The following LRRC4C variants were observed in gnomAD, a reference collection of about 807,000 sequenced individuals.
LRRC4C encodes the protein leucine rich repeat containing 4C, also known as leucine-rich repeat-containing protein 4C.
Under a neutral mutation model 33.6 loss-of-function variants are expected in LRRC4C, and 5 were observed. That is an observed-to-expected ratio of 0.15 (90% confidence interval 0.08 to 0.31). LRRC4C has a LOEUF of 0.31. Ranked by LOEUF, LRRC4C falls within the 10% of genes least tolerant of loss-of-function variation. The pLI, the probability that LRRC4C is intolerant of heterozygous loss-of-function variation, is 1.00. For synonymous variants in LRRC4C, 329 were observed against 302.0 expected, an observed-to-expected ratio of 1.09 and a Z score of -0.93; for missense variants, 560 against 796.7, an observed-to-expected ratio of 0.70 and a Z score of 3.58.
chr11:40,508,684 T>A (rs1390793280), intron 3 of LRRC4C, among the ~76,000 whole-genome samples: 5 of 152,164 alleles, frequency 3.3e-5, no homozygotes, highest in African/African-American at 1.2e-4. Flanking sequence ...AATGTATGAA[T>A]ACTTTTAGAA....
intron 1 of LRRC4C, among the ~76,000 whole-genome samples, chr11:41,415,829 G>T (rs1954657577): frequency 6.6e-6 from 1 of 152,108 alleles, no homozygotes; most frequent in Non-Finnish European, 1.5e-5. Context: ...ATTTCATTAA[G>T]CTAACTCTTG....
intron 3 of LRRC4C, among the ~76,000 whole-genome samples, chr11:40,430,535 T>G (rs1162734248): frequency 6.6e-6 from 1 of 152,122 alleles, no homozygotes; most frequent in Non-Finnish European, 1.5e-5. Flanking sequence ...TGAACTTCTC[T>G]TACATAGATA....
chr11:41,399,990 A>G (rs747732587), intron 1 of LRRC4C, among the ~76,000 whole-genome samples: 23 of 152,090 alleles, frequency 1.5e-4, no homozygotes, highest in Non-Finnish European at 3.2e-4. Flanking sequence ...AAAATTCTGA[A>G]GGCAACAGAG....
chr11:40,119,536 GC>G (rs1332322051), intron 6 of LRRC4C, among the ~76,000 whole-genome samples: 5 of 152,078 alleles, frequency 3.3e-5, no homozygotes, highest in Non-Finnish European at 7.4e-5. Context: ...ATTCCTCTTA[GC>G]CTATTGCCAA....
chr11:41,241,161 G>A (rs1378163788), intron 1 of LRRC4C, among the ~76,000 whole-genome samples: 4 of 152,148 alleles, frequency 2.6e-5, no homozygotes, highest in Non-Finnish European at 5.9e-5. Context: ...GAGAAAGCAT[G>A]TAGGAGAATC....
At chr11:41,028,878 C>T (rs977260244) in intron 1 of LRRC4C, among the ~76,000 whole-genome samples, 2 of 151,580 alleles carry the variant, frequency 1.3e-5, no homozygotes, top group African/African-American at 4.8e-5. Flanking sequence ...GAAGATCCTC[C>T]TCTGATGTCC....
At chr11:41,328,531 C>T (rs1417496854) in intron 1 of LRRC4C, among the ~76,000 whole-genome samples, 7 of 152,126 alleles carry the variant, frequency 4.6e-5, no homozygotes, top group Admixed American at 6.5e-5. Context: ...TCTGTCAACA[C>T]GCTCCTTACT....
chr11:40,173,854 G>A (rs1860250965), intron 5 of LRRC4C, among the ~76,000 whole-genome samples: 1 of 152,096 alleles, frequency 6.6e-6, no homozygotes, highest in African/African-American at 2.4e-5. Context: ...CTAAACCAAG[G>A]TATTCAATGA....
intron 3 of LRRC4C, among the ~76,000 whole-genome samples, chr11:40,594,824 T>C (rs903472238): frequency 2.6e-5 from 4 of 152,160 alleles, no homozygotes; most frequent in African/African-American, 9.7e-5. Flanking sequence ...GTTTATGTTT[T>C]TGTAGAAATA....
At chr11:40,733,064 T>G (rs1054307935) in intron 2 of LRRC4C, among the ~76,000 whole-genome samples, 2 of 29,170 alleles carry the variant, frequency 6.9e-5, no homozygotes, top group Admixed American at 4.5e-4. Context: ...GAATATAGTT[T>G]TTTTTTTTTT....
At chr11:40,673,349 C>G (rs907487569) in intron 2 of LRRC4C, among the ~76,000 whole-genome samples, 1 of 152,104 alleles carries the variant, frequency 6.6e-6, no homozygotes, top group African/African-American at 2.4e-5. Context: ...GTATGGCCAT[C>G]AAACATAGCA....
At chr11:40,557,340 C>T (rs16934938) in intron 3 of LRRC4C, among the ~76,000 whole-genome samples, 8,955 of 152,048 alleles carry the variant, frequency 0.059, 776 homozygotes, top group African/African-American at 0.19. Flanking sequence ...TTGGTCTCTT[C>T]GAGTTCCTTG....
chr11:41,087,906 G>A (rs573561509), intron 1 of LRRC4C, among the ~76,000 whole-genome samples: 2 of 152,220 alleles, frequency 1.3e-5, no homozygotes, highest in South Asian at 2.1e-4. Flanking sequence ...TATATAAGTT[G>A]TTTGAGGGCA....
chr11:40,138,111 C>T (rs1186107745), intron 6 of LRRC4C, among the ~76,000 whole-genome samples: 1 of 152,114 alleles, frequency 6.6e-6, no homozygotes, highest in Non-Finnish European at 1.5e-5. Flanking sequence ...TCCTTTTAGC[C>T]ACTGTACTGT....
intron 1 of LRRC4C, among the ~76,000 whole-genome samples, chr11:41,372,567 T>G (rs1377681899): frequency 2.6e-5 from 4 of 152,152 alleles, no homozygotes; most frequent in East Asian, 1.9e-4. Flanking sequence ...ATTACCAAAC[T>G]TATGAACTAT....
At chr11:40,981,345 C>A (rs1262637011) in intron 1 of LRRC4C, among the ~76,000 whole-genome samples, 1 of 151,098 alleles carries the variant, frequency 6.6e-6, no homozygotes. Flanking sequence ...GCCCGGGAGG[C>A]GGAGCTTGCA....
chr11:40,785,171 A>G (rs1259393252), intron 2 of LRRC4C, among the ~76,000 whole-genome samples: 1 of 152,154 alleles, frequency 6.6e-6, no homozygotes, highest in Non-Finnish European at 1.5e-5. Context: ...ATACGATAAG[A>G]GATGATGCCG....
At chr11:40,583,682 A>G (rs1335469699) in intron 3 of LRRC4C, among the ~76,000 whole-genome samples, 1 of 151,916 alleles carries the variant, frequency 6.6e-6, no homozygotes, top group East Asian at 1.9e-4. Context: ...TAGTCTCTCC[A>G]CTTCCTTAGT....
chr11:40,658,165 A>G (rs529494739), intron 2 of LRRC4C, among the ~76,000 whole-genome samples: 2 of 152,300 alleles, frequency 1.3e-5, no homozygotes, highest in Admixed American at 1.3e-4. Flanking sequence ...TGTCCTTTAT[A>G]TTATAGGAAG....
Sources: allele counts gnomAD v4.1 joint callset (sites outside exome capture counted in the v4.1 genomes callset), GRCh38; gene constraint gnomAD v4.1.1; transcripts MANE v1.5; gene names NCBI Gene and HGNC (gene_info 2026-07-23, HGNC 2026-07-21).